The following COL7A1 variants were observed in gnomAD, a reference collection of about 807,000 sequenced individuals.
COL7A1 encodes collagen type VII alpha 1 chain.
In COL7A1, 296 loss-of-function variants were observed where a neutral mutation model predicts 456.2. That is an observed-to-expected ratio of 0.65 (90% confidence interval 0.59 to 0.71). The LOEUF (loss-of-function observed/expected upper bound fraction) is 0.71. COL7A1 is among the 30% of genes least tolerant of loss of function. The probability of loss-of-function intolerance (pLI) is 0.00; values close to 1 mark genes in which losing one functional copy is unlikely to be tolerated. For missense variants in COL7A1, 3,441 were observed against 4,017.2 expected (o/e 0.86, Z 3.88); for synonymous variants, 1,464 against 1,525.9 (o/e 0.96, Z 0.95).
rs1279185792 is a variant in COL7A1, at chr3:48,593,502, G to A, written c.426+35C>T. ...GGTTCCCCTGGACACTTCATTTGGG[G>A]TCATCTTGGGAGGCATGGTAGGGGT... On this transcript the variant is annotated intron_variant, in intron 4 of 118. Transcript: ENST00000681320. This position sits in a 1 kb window ranked among gnomAD's most constrained non-coding sequence, Gnocchi z 4.4. The A allele has an allele frequency of 1.2e-6, 2 of 1,613,998 alleles. No individual in the cohort carries two copies. The highest frequency in any genetic ancestry group is 2.7e-5 in the African/African-American group (2 of 74,936).
chr3:48,594,300 C>A lies in COL7A1; in HGVS notation c.266+68G>T. ...ACCTGGCCTGGGGTTTCCAGGGTCT[C>A]CTCCCTCTCTGGGGAAGGAGTCTTG... On this transcript the variant is annotated intron_variant, in intron 3 of 118. Transcript: ENST00000681320. This position sits in a 1 kb window ranked among gnomAD's most constrained non-coding sequence, Gnocchi z 5.5. 2 of 1,578,420 alleles carry A rather than the reference C, an allele frequency of 1.3e-6. No homozygotes were observed. The highest frequency in any genetic ancestry group is 3.3e-5 in the Admixed American group (2 of 59,822).
Position 48,587,155 on chromosome 3 carries a change from A to G in COL7A1, c.3139+35T>C. 1 of 1,613,606 alleles carries G rather than the reference A, an allele frequency of 6.2e-7. No individual in the cohort carries two copies. Among genetic ancestry groups the G allele is most frequent in the Non-Finnish European group, 8.5e-7 (1 of 1,179,904 alleles). On this transcript the variant is annotated intron_variant, in intron 24 of 118. Transcript: ENST00000681320. The surrounding 1 kb of genome is among the most constrained non-coding windows in gnomAD (Gnocchi z 6.1). Reference sequence around the variant, plus strand: ...ACTGAAGCGGGCAGCCCACCCAGACACACCTTTCTGCCCTTCCCACTACGC... The same window carrying G: ...ACTGAAGCGGGCAGCCCACCCAGACGCACCTTTCTGCCCTTCCCACTACGC...
At position 48,590,951 on chromosome 3, in the gene COL7A1, T is replaced by A. The variant is rs1238358569; in HGVS notation, c.1637-135A>T. ...TGTGGGGTGGTGGGGACCAGAGAGC[T>A]GGGATATGGCTGAAAAAAGTGAGTG... On this transcript the variant is annotated intron_variant, in intron 13 of 118. Coordinates refer to ENST00000681320, the MANE Select transcript of COL7A1 (RefSeq NM_000094.4). The surrounding 1 kb of genome is among the most constrained non-coding windows in gnomAD (Gnocchi z 4.6). 1.1e-5 allele frequency: 11 copies of A among 981,106 alleles called. No individual in the cohort carries two copies. The highest frequency in any genetic ancestry group is 1.7e-5 in the Non-Finnish European group (11 of 641,368). 60.8% of individuals were successfully genotyped at this position (981,106 alleles called of 1,614,324 possible). A position where few individuals can be genotyped will look rare whatever the true frequency, so the allele number is the denominator to read the frequency against.
In COL7A1 at chr3:48,595,130, G is replaced by A. The variant is rs376832250; in HGVS notation, c.30C>T (p.Leu10=). The A allele has an allele frequency of 4.7e-5, 73 of 1,554,092 alleles. No individual in the cohort carries two copies. Among genetic ancestry groups the A allele is most frequent in the Non-Finnish European group, 6.0e-5 (69 of 1,149,214 alleles). MTLRLLVAA[L]CAGILAEAPR... is the part of the protein sequence containing the mutation. ...GCGCCTCTGCCAGGATCCCGGCGCA[G>A]AGCGCGGCCACCAGAAGCCGCAGCG... The change falls in exon 2 of 119, where the codon CTC becomes CTT. Residue 10 remains leucine (L), a synonymous_variant. Transcript: ENST00000681320.
chr3:48,574,968 A>C lies in COL7A1; in HGVS notation c.6279+96T>G. 3.8e-6 allele frequency: 6 copies of C among 1,573,232 alleles called. No homozygotes were observed. Among genetic ancestry groups the C allele is most frequent in the Non-Finnish European group, 4.4e-6 (5 of 1,145,704 alleles). On this transcript the variant is annotated intron_variant, in intron 76 of 118. Transcript: ENST00000681320. This position sits in a 1 kb window ranked among gnomAD's most constrained non-coding sequence, Gnocchi z 5.0. ...AGAGGGTTATAGGGTCAGAAATTCC[A>C]GGGTTATGGCACACACTACCATATT...
rs2043525457 is a variant in COL7A1 at position 48,564,714 on chromosome 3, C to T, written c.8818+69G>A. On this transcript the variant is annotated intron_variant, in intron 118 of 118. Coordinates refer to ENST00000681320, the MANE Select transcript of COL7A1 (RefSeq NM_000094.4). The surrounding 1 kb of genome is among the most constrained non-coding windows in gnomAD (Gnocchi z 6.0). The stretch of plus-strand genomic sequence containing the variant: ...CTGACCTGGAACCCTGGCCCAAGGA[C>T]TCCTCCCCCAGAACCCGATCCAGGC... 6.5e-7 allele frequency: 1 copy of T among 1,530,022 alleles called. No individual in the cohort carries two copies. The highest frequency in any genetic ancestry group is 8.9e-7 in the Non-Finnish European group (1 of 1,126,306). The allele number at this position is 1,530,022 out of a possible 1,614,324, so 94.8% of individuals were successfully genotyped here. A position where few individuals can be genotyped will look rare whatever the true frequency, so the allele number is the denominator to read the frequency against.
chr3:48,572,090 T>G lies in COL7A1; in HGVS notation c.7023+37A>C. Reference sequence around the variant, plus strand: ...AGGGGTGTCTGGACTGAGCCTTCTCTGCTCAGTAGTCAGGCCCCAGGGCCA... The same window carrying G: ...AGGGGTGTCTGGACTGAGCCTTCTCGGCTCAGTAGTCAGGCCCCAGGGCCA... On this transcript the variant is annotated intron_variant, in intron 91 of 118. Coordinates refer to ENST00000681320, the MANE Select transcript of COL7A1 (RefSeq NM_000094.4). This position sits in a 1 kb window ranked among gnomAD's most constrained non-coding sequence, Gnocchi z 4.6. The G allele has an allele frequency of 6.2e-7, 1 of 1,613,740 alleles. No individual in the cohort carries two copies. The highest frequency in any genetic ancestry group is 8.5e-7 in the Non-Finnish European group (1 of 1,179,892).
At chr3:48,582,040 AC>A in intron 47 of COL7A1, 97 bp from the exon 48 acceptor site, 1 of 1,549,138 alleles carries the variant, frequency 6.5e-7, no homozygotes, top group Non-Finnish European at 8.9e-7. Context: ...TGGAAGTCAT[AC>A]AGCTCAGTCC....
Position 48,572,230 on chromosome 3 carries a change from AG to A in COL7A1, c.6979-60del, listed in dbSNP as rs35187166. 2 of 1,613,192 alleles carry A rather than the reference AG, an allele frequency of 1.2e-6. No individual in the cohort carries two copies. Among genetic ancestry groups the A allele is most frequent in the South Asian group, 2.2e-5 (2 of 91,042 alleles). On this transcript the variant is annotated intron_variant, in intron 90 of 118. Transcript: ENST00000681320. This position sits in a 1 kb window ranked among gnomAD's most constrained non-coding sequence, Gnocchi z 4.6. ...CAGTCACAGAAAGATGAGACTCCGG[AG>A]GGAGGCATGGGGCCAGAGCTTAAAT...
At position 48,566,927 on chromosome 3, in the gene COL7A1, C is replaced by T. The variant is rs779942952; in HGVS notation, c.8206G>A (p.Glu2736Lys). ...PPGSVGPRGPEGLQGQKGERG... is the reference protein window; with the variant it reads ...PPGSVGPRGPKGLQGQKGERG... ...CTTACCTTCTGGCCCTGAAGTCCTT[C>T]GGGGCCTCTGGGACCAACACTGCCA... is the stretch of plus-strand genomic sequence containing the variant. The change falls in exon 111 of 119, where the codon GAA (glutamate) becomes AAA (lysine). Residue 2736 changes from glutamate (E) to lysine (K), a missense_variant. Glu to Lys is a moderately conservative substitution (Grantham distance 56). Transcript: ENST00000681320. The surrounding 1 kb of genome is among the most constrained non-coding windows in gnomAD (Gnocchi z 5.9). The T allele has an allele frequency of 2.8e-5, 45 of 1,607,222 alleles. No homozygotes were observed. The highest frequency in any genetic ancestry group is 1.2e-4 in the Admixed American group (7 of 59,212).
At position 48,592,477 on chromosome 3, in the gene COL7A1, A is replaced by G. The variant is rs2107793658; in HGVS notation, c.977-10T>C. 3 of 1,612,692 alleles carry G rather than the reference A, an allele frequency of 1.9e-6. No homozygotes were observed. The highest frequency in any genetic ancestry group is 1.6e-4 in the Middle Eastern group (1 of 6,062). ...GGCCCTTCTAGGGCAGCTGGGGGAG[A>G]GTCCCACCAGGGATTCATGGAGTCA... On this transcript the variant is annotated splice_polypyrimidine_tract_variant and intron_variant, in intron 8 of 118. Coordinates refer to ENST00000681320, the MANE Select transcript of COL7A1 (RefSeq NM_000094.4). This position sits in a 1 kb window ranked among gnomAD's most constrained non-coding sequence, Gnocchi z 7.6.
chr3:48,575,472 G>A lies in COL7A1; in HGVS notation c.6047C>T (p.Pro2016Leu), dbSNP rs1318596789. ...CCTCTCCCCAAGGGCCAGACCAGGTGGCCCCTGAGGGCCAGGGTCTCCACG... is the reference window on the plus strand; with the variant it reads ...CCTCTCCCCAAGGGCCAGACCAGGTAGCCCCTGAGGGCCAGGGTCTCCACG... ...GDRGDPGPQG[P>L]PGLALGERGP... The change falls in exon 74 of 119, where the codon CCA becomes CTA. Residue 2016 changes from proline to leucine, a missense_variant. By Grantham distance (98) the Pro-to-Leu change is moderately conservative (BLOSUM62 -3). Transcript: ENST00000681320. The surrounding 1 kb of genome is among the most constrained non-coding windows in gnomAD (Gnocchi z 6.3). The A allele has an allele frequency of 6.2e-7, 1 of 1,611,688 alleles. No homozygotes were observed. The highest frequency in any genetic ancestry group is 8.5e-7 in the Non-Finnish European group (1 of 1,179,588).
At position 48,568,933 on chromosome 3, in the gene COL7A1, T is replaced by G; in HGVS notation, c.7687-78A>C. ...CTTAGAATACAACGAGCCCGCCAGC[T>G]GGGGCAGAGCTCAAGTCACTCCCGA... On this transcript the variant is annotated intron_variant, in intron 103 of 118. Coordinates refer to ENST00000681320, the MANE Select transcript of COL7A1 (RefSeq NM_000094.4). The surrounding 1 kb of genome is among the most constrained non-coding windows in gnomAD (Gnocchi z 5.2). The G allele has an allele frequency of 2.1e-6, 3 of 1,417,250 alleles. No individual in the cohort carries two copies. In the South Asian group the frequency reaches 3.7e-5, roughly 17 times the overall value. The allele number at this position is 1,417,250 out of a possible 1,614,324, so 87.8% of individuals were successfully genotyped here.
rs769750167 is a variant in COL7A1 at position 48,567,700 on chromosome 3, CCA to C, written c.7983+8_7983+9del. 7.4e-6 allele frequency: 12 copies of C among 1,614,100 alleles called. No individual in the cohort carries two copies. The South Asian group carries it at 1.2e-4, about 16-fold the overall frequency. On this transcript the variant is annotated splice_region_variant and intron_variant, in intron 108 of 118. Coordinates refer to ENST00000681320, the MANE Select transcript of COL7A1 (RefSeq NM_000094.4). The surrounding 1 kb of genome is among the most constrained non-coding windows in gnomAD (Gnocchi z 4.3). ...CGTGGCCCCCTCATTCTGAGCGTGC[CCA>C]CACTCACCATCTCTCCTTTGTGTCC... is the stretch of plus-strand genomic sequence containing the variant.
intron 44 of COL7A1, 131 bp downstream of exon 44, chr3:48,582,882 G>A (rs1292184792): frequency 1.4e-6 from 2 of 1,396,798 alleles, no homozygotes; most frequent in African/African-American, 2.8e-5. Context: ...GTTAGAGCCT[G>A]TATCAGCAGG....
Position 48,584,907 on chromosome 3 carries a change from T to C in COL7A1, c.4011+3A>G. ...AGAGAGCAAAGAAGGGAAGGCACCT[T>C]ACCGGGTCCCCACGAGGGCCAGGCA... is the stretch of plus-strand genomic sequence containing the variant. On this transcript the variant is annotated splice_donor_region_variant and intron_variant, in intron 34 of 118. Transcript: ENST00000681320. 1 of 1,613,926 alleles carries C rather than the reference T, an allele frequency of 6.2e-7. No individual in the cohort carries two copies. Among genetic ancestry groups the C allele is most frequent in the African/African-American group, 1.3e-5 (1 of 74,998 alleles).
rs2107773256 is a variant in COL7A1, at chr3:48,589,481, G to A, written c.2171-11C>T. Reference sequence around the variant, plus strand: ...GGGATTTCTCTGGGCCTGGGAACAGGGATGGAGGCAGCTCCAGGGCTAGCA... The same window carrying A: ...GGGATTTCTCTGGGCCTGGGAACAGAGATGGAGGCAGCTCCAGGGCTAGCA... On this transcript the variant is annotated splice_polypyrimidine_tract_variant and intron_variant, in intron 17 of 118. Transcript: ENST00000681320. The A allele has an allele frequency of 6.2e-7, 1 of 1,613,472 alleles. No individual in the cohort carries two copies.
rs371506242 is a variant in COL7A1 at position 48,573,105 on chromosome 3, C to T, written c.6715-49G>A. ...CAGGGTGACAATGGACACAGGACGA[C>T]ATGAGAGAACATGGGCCCCAAGGAG... On this transcript the variant is annotated intron_variant, in intron 85 of 118. Transcript: ENST00000681320. This position sits in a 1 kb window ranked among gnomAD's most constrained non-coding sequence, Gnocchi z 5.5. 7.4e-6 allele frequency: 12 copies of T among 1,613,976 alleles called. No individual in the cohort carries two copies. The highest frequency in any genetic ancestry group is 9.3e-6 in the Non-Finnish European group (11 of 1,179,990).
rs1575478976 is a variant in COL7A1 at position 48,588,285 on chromosome 3, C to T, written c.2707G>A (p.Glu903Lys). 1 of 1,613,060 alleles carries T rather than the reference C, an allele frequency of 6.2e-7. No homozygotes were observed. The highest frequency in any genetic ancestry group is 8.5e-7 in the Non-Finnish European group (1 of 1,179,988). Residue 903 changes from glutamate (E) to lysine (K), a missense_variant, in exon 21 of 119, where the codon GAG (glutamate) becomes AAG (lysine). Glu to Lys is a moderately conservative substitution (Grantham distance 56, BLOSUM62 1). Transcript: ENST00000681320. This position sits in a 1 kb window ranked among gnomAD's most constrained non-coding sequence, Gnocchi z 4.6. ...TCCTCCTGGGGACACCTCTCACCCT[C>T]AGGTTGCCAGTGCAGAAGGAAGCCC... ...AQGFLLHWQP[E>K]GGQEQSRVLG...
Sources: gnomAD v4.1 joint callset for allele counts on GRCh38, gnomAD v4.1.1 for gene constraint, Gnocchi (gnomAD v3.1) non-coding constraint, MANE v1.5 for transcripts, NCBI Gene and HGNC (gene_info 2026-07-23, HGNC 2026-07-21) for gene names.